The following MROH9 variants were observed in gnomAD, a reference collection of about 807,000 sequenced individuals.
The protein encoded by MROH9 is maestro heat like repeat family member 9.
A neutral mutation model predicts 98.2 loss-of-function variants in MROH9; 92 were observed. The observed-to-expected ratio is 0.94, with a 90% CI of 0.79 to 1.11. The LOEUF is 1.11. Among genes scored for constraint, MROH9 ranks in the 50% most tolerant of loss-of-function variants. MROH9 has a pLI of 0.00. For missense variants in MROH9, 1,057 were observed against 1,014.8 expected (o/e 1.04, Z -0.57); for synonymous variants, 397 against 368.9 (o/e 1.08, Z -0.87).
At chr1:170,988,232 C>T (rs1011801647) in intron 10 of MROH9, among the ~76,000 whole-genome samples, 1 of 152,172 alleles carries the variant, frequency 6.6e-6, no homozygotes, top group Non-Finnish European at 1.5e-5. Flanking sequence ...AGGAATGAAC[C>T]TCCAGTTCCC....
intron 15 of MROH9, among the ~76,000 whole-genome samples, chr1:170,999,508 A>G (rs1447062700): frequency 6.6e-6 from 1 of 150,588 alleles, no homozygotes; most frequent in Non-Finnish European, 1.5e-5. Flanking sequence ...TCCTTTTTCT[A>G]GCTGAGTAGT....
chr1:170,944,774 T>C (rs577604062), intron 1 of MROH9, among the ~76,000 whole-genome samples: 16 of 152,128 alleles, frequency 1.1e-4, no homozygotes, highest in African/African-American at 3.1e-4. Flanking sequence ...AAGTAGAATT[T>C]TAAGACGGCC....
chr1:170,990,082 C>A, intron 11 of MROH9, 79 bp downstream of exon 11: 2 of 1,395,776 alleles, frequency 1.4e-6, no homozygotes, highest in South Asian at 1.5e-5. Flanking sequence ...GGGTTCAACT[C>A]TCAATCTACC....
intron 20 of MROH9, among the ~76,000 whole-genome samples, chr1:171,029,224 G>GT (rs978885381): frequency 4.6e-4 from 68 of 147,156 alleles, no homozygotes; most frequent in East Asian, 1.4e-3. Flanking sequence ...AGAGGGTTTT[G>GT]TTTTTTTTTT....
intron 15 of MROH9, among the ~76,000 whole-genome samples, chr1:171,011,410 C>T (rs1652151723): frequency 6.7e-6 from 1 of 150,016 alleles, no homozygotes; most frequent in South Asian, 2.1e-4. Context: ...AAAAGAATTA[C>T]CTTTGATCCT....
rs113599037 is a variant in MROH9, at chr1:171,004,907, G to T, written c.1596+6633G>T. Among the ~76,000 whole-genome samples the T allele has an allele frequency of 5.2e-3, 785 of 152,130 alleles. 1 individual carries two copies. The highest frequency in any genetic ancestry group is 8.3e-3 in the Non-Finnish European group (563 of 68,022). On this transcript the variant is annotated intron_variant, in intron 15 of 21. Coordinates refer to ENST00000367759, the MANE Select transcript of MROH9 (RefSeq NM_001163629.2). ...GTAATATATTTTGAAATCAGGAAGT[G>T]TAATATCCCAACTTTATTGTTTTTC...
chr1:170,976,565 G>A (rs1279364187), intron 8 of MROH9, among the ~76,000 whole-genome samples: 1 of 152,128 alleles, frequency 6.6e-6, no homozygotes, highest in African/African-American at 2.4e-5. Flanking sequence ...TGGCCAACAT[G>A]GTGAAACCTC....
At chr1:170,984,520 A>G (rs1651056524) in intron 9 of MROH9, among the ~76,000 whole-genome samples, 1 of 152,186 alleles carries the variant, frequency 6.6e-6, no homozygotes, top group African/African-American at 2.4e-5. Context: ...TAAGTTTACT[A>G]GCAAATCTTC....
intron 14 of MROH9, among the ~76,000 whole-genome samples, chr1:170,997,792 A>T (rs1445176265): frequency 6.6e-6 from 1 of 152,158 alleles, no homozygotes; most frequent in Non-Finnish European, 1.5e-5. Context: ...AGCTTGGTCC[A>T]AAACCACAAA....
At chr1:170,998,817 T>C (rs1475282621) in intron 15 of MROH9, 2 of 886,698 alleles carry the variant, frequency 2.3e-6, no homozygotes, top group African/African-American at 3.6e-5. Context: ...TTATCAAATC[T>C]AATTTTTTCA....
chr1:171,017,865 G>A (rs1306628589), intron 17 of MROH9, among the ~76,000 whole-genome samples: 1 of 151,994 alleles, frequency 6.6e-6, no homozygotes, highest in Admixed American at 6.6e-5. Flanking sequence ...GACTACTCCA[G>A]CCAGGGGCTC....
intron 15 of MROH9, among the ~76,000 whole-genome samples, chr1:171,008,560 A>C (rs1652039050): frequency 6.6e-6 from 1 of 152,204 alleles, no homozygotes; most frequent in Non-Finnish European, 1.5e-5. Flanking sequence ...GGCTGTAGTT[A>C]AAATCATCTG....
intron 3 of MROH9, among the ~76,000 whole-genome samples, chr1:170,949,792 A>G (rs1439837930): frequency 6.6e-6 from 1 of 152,054 alleles, no homozygotes; most frequent in East Asian, 1.9e-4. Context: ...GGAAGGGGAC[A>G]ATAAATTATT....
chr1:171,015,999 T>G lies in MROH9; in HGVS notation c.1735-164T>G, dbSNP rs556630040. 5.3e-4 allele frequency among the ~76,000 whole-genome samples: 80 copies of G among 152,294 alleles called. 1 individual carries two copies. The South Asian group carries it at 0.013, about 24-fold the overall frequency. On this transcript the variant is annotated intron_variant, in intron 16 of 21. Transcript: ENST00000367759. ...TATAATTTAATTTTCAATAATTAAT[T>G]TTCTTAGCAAAAAGTCAACATTTTT... is the stretch of plus-strand genomic sequence containing the variant.
chr1:170,937,105 A>T (rs1337807083), intron 1 of MROH9, among the ~76,000 whole-genome samples: 1 of 152,202 alleles, frequency 6.6e-6, no homozygotes, highest in Non-Finnish European at 1.5e-5. Context: ...AGTTAATTTT[A>T]AAGGACTCCA....
intron 18 of MROH9, 46 bp downstream of exon 18, chr1:171,024,593 A>G (rs1347924472): frequency 2.0e-6 from 3 of 1,530,152 alleles, no homozygotes; most frequent in Non-Finnish European, 2.6e-6. Flanking sequence ...AAGGATTGTA[A>G]TGTTTTATCT....
chr1:171,005,829 T>C (rs1336194525), intron 15 of MROH9, among the ~76,000 whole-genome samples: 1 of 152,216 alleles, frequency 6.6e-6, no homozygotes, highest in East Asian at 1.9e-4. Flanking sequence ...CTTTTTCTCC[T>C]TACCTGCTCC....
chr1:171,029,646 A>G (rs1300834798), intron 20 of MROH9, among the ~76,000 whole-genome samples: 3 of 152,186 alleles, frequency 2.0e-5, no homozygotes, highest in Non-Finnish European at 4.4e-5. Flanking sequence ...GATGACGCTG[A>G]ACCGATCGTG....
chr1:170,948,697 A>G (rs1367737734), intron 3 of MROH9, among the ~76,000 whole-genome samples: 1 of 152,104 alleles, frequency 6.6e-6, no homozygotes, highest in Admixed American at 6.6e-5. Flanking sequence ...TAAGCTATGA[A>G]GAAGTTACAA....
Sources: gnomAD v4.1 joint callset for allele counts (sites outside exome capture counted in the v4.1 genomes callset) on GRCh38, gnomAD v4.1.1 for gene constraint, MANE v1.5 for transcripts, NCBI Gene and HGNC (gene_info 2026-07-23, HGNC 2026-07-21) for gene names.